The following KCNMB4 variants were observed in gnomAD, a reference collection of about 807,000 sequenced individuals.
KCNMB4 encodes calcium-activated potassium channel subunit beta-4.
KCNMB4 carries 3 observed loss-of-function variants against 20.7 expected under a neutral mutation model. That is an observed-to-expected ratio of 0.14 (90% confidence interval 0.07 to 0.37). The LOEUF (loss-of-function observed/expected upper bound fraction) is 0.37, where lower values mean the gene tolerates loss of function less well. Ranked by LOEUF, KCNMB4 falls within the 10% of genes least tolerant of loss-of-function variation. KCNMB4 has a pLI of 1.00. For missense variants in KCNMB4, 168 were observed against 265.9 expected (o/e 0.63, Z 2.56); for synonymous variants, 110 against 113.4 (o/e 0.97, Z 0.19).
chr12:70,395,779 A>C (rs537189914), intron 1 of KCNMB4, among the ~76,000 whole-genome samples: 70 of 152,352 alleles, frequency 4.6e-4, no homozygotes, highest in African/African-American at 1.6e-3. Context: ...TCAGGCAGCA[A>C]ACAATATGGG....
chr12:70,391,232 T>C (rs1228383046), intron 1 of KCNMB4, among the ~76,000 whole-genome samples: 1 of 152,220 alleles, frequency 6.6e-6, no homozygotes, highest in Non-Finnish European at 1.5e-5. Flanking sequence ...TCCTGTGATC[T>C]CAGCCACTGT....
chr12:70,383,960 T>G (rs933469198), intron 1 of KCNMB4, among the ~76,000 whole-genome samples: 2 of 152,106 alleles, frequency 1.3e-5, no homozygotes, highest in African/African-American at 4.8e-5. Context: ...CCCCAGCTAC[T>G]CAGGAGGCTG....
intron 1 of KCNMB4, among the ~76,000 whole-genome samples, chr12:70,379,767 A>G (rs1883752311): frequency 1.3e-5 from 2 of 152,132 alleles, no homozygotes; most frequent in Admixed American, 6.6e-5. Context: ...TCATGAATGA[A>G]CCTCTGTTAG....
At chr12:70,400,418 C>A in intron 2 of KCNMB4, 82 bp downstream of exon 2, 2 of 1,357,728 alleles carry the variant, frequency 1.5e-6, no homozygotes, top group Non-Finnish European at 2.0e-6. Context: ...AGATTATGCC[C>A]ACTTGACAGC....
chr12:70,402,414 G>A (rs939385373), intron 2 of KCNMB4, among the ~76,000 whole-genome samples: 3 of 151,970 alleles, frequency 2.0e-5, no homozygotes, highest in South Asian at 4.2e-4. Flanking sequence ...AGACTGAGGC[G>A]GGAGGATCAC....
chr12:70,424,526 G>A (rs1869157357), intron 2 of KCNMB4, among the ~76,000 whole-genome samples: 1 of 151,958 alleles, frequency 6.6e-6, no homozygotes, highest in South Asian at 2.1e-4. Context: ...GAGGCAAGGG[G>A]ATCAGTTGAA....
chr12:70,427,496 A>T (rs917290396), intron 2 of KCNMB4, among the ~76,000 whole-genome samples: 1 of 152,252 alleles, frequency 6.6e-6, no homozygotes, highest in African/African-American at 2.4e-5. Flanking sequence ...AAATGTGTAC[A>T]TTTATATATA....
At chr12:70,403,364 G>A (rs76734921) in intron 2 of KCNMB4, among the ~76,000 whole-genome samples, 10 of 152,020 alleles carry the variant, frequency 6.6e-5, no homozygotes, top group Admixed American at 5.2e-4. Flanking sequence ...TAGGAGTCTC[G>A]CTCTGTCACT....
chr12:70,417,546 ATCAT>A (rs1193747477), intron 2 of KCNMB4, among the ~76,000 whole-genome samples: 1 of 152,312 alleles, frequency 6.6e-6, no homozygotes, highest in East Asian at 1.9e-4. Context: ...AGTAAATATG[ATCAT>A]TCATTCTTGG....
At chr12:70,389,911 T>C (rs1389910013) in intron 1 of KCNMB4, among the ~76,000 whole-genome samples, 6 of 152,180 alleles carry the variant, frequency 3.9e-5, no homozygotes. Flanking sequence ...GAATGGGAAA[T>C]AGAATTTGTA....
chr12:70,385,353 A>C (rs1317930509), intron 1 of KCNMB4, among the ~76,000 whole-genome samples: 1 of 151,966 alleles, frequency 6.6e-6, no homozygotes, highest in Non-Finnish European at 1.5e-5. Context: ...GAGAGCATCT[A>C]CCTCCTCAAT....
At position 70,394,005 on chromosome 12, in the gene KCNMB4, T is replaced by C. The variant is rs1187793693; in HGVS notation, c.337-6204T>C. 2.0e-5 allele frequency among the ~76,000 whole-genome samples: 3 copies of C among 152,322 alleles called. No individual in the cohort carries two copies. In the East Asian group the frequency reaches 5.8e-4, roughly 29 times the overall value. On this transcript the variant is annotated intron_variant, in intron 1 of 2. Coordinates refer to ENST00000258111, the MANE Select transcript of KCNMB4 (RefSeq NM_014505.6). ...ATCTCTTCTGTGAAGCCTTCTCTTA[T>C]ACTCTGGAGGCCAAAATATTCATGT...
chr12:70,430,663 A>C lies in KCNMB4; in HGVS notation c.*10A>C. 1 of 1,598,820 alleles carries C rather than the reference A, an allele frequency of 6.3e-7. No homozygotes were observed. The highest frequency in any genetic ancestry group is 1.1e-5 in the South Asian group (1 of 88,288). ...GCGCAAGTTCTCTTAAAGGGGAAGG[A>C]GGCTTGTAGAAAGCAAAGTACAGAA... is the stretch of plus-strand genomic sequence containing the variant. On this transcript the variant is annotated 3_prime_UTR_variant, in exon 3 of 3. Transcript: ENST00000258111.
chr12:70,389,693 C>T (rs1174665306), intron 1 of KCNMB4, among the ~76,000 whole-genome samples: 1 of 151,982 alleles, frequency 6.6e-6, no homozygotes, highest in Non-Finnish European at 1.5e-5. Flanking sequence ...GACCCTGTGT[C>T]AAAAAAATAA....
At chr12:70,408,311 T>C (rs1313589625) in intron 2 of KCNMB4, among the ~76,000 whole-genome samples, 1 of 152,208 alleles carries the variant, frequency 6.6e-6, no homozygotes, top group African/African-American at 2.4e-5. Context: ...TTTTTACTAC[T>C]GCTAAATATG....
At chr12:70,402,585 G>T (rs1211508087) in intron 2 of KCNMB4, among the ~76,000 whole-genome samples, 1 of 142,868 alleles carries the variant, frequency 7.0e-6, no homozygotes, top group African/African-American at 2.6e-5. Flanking sequence ...GCCTTGGGAG[G>T]TTGAGGCTGC....
chr12:70,388,791 C>T (rs1593329266), intron 1 of KCNMB4, among the ~76,000 whole-genome samples: 1 of 152,152 alleles, frequency 6.6e-6, no homozygotes, highest in Admixed American at 6.6e-5. Flanking sequence ...ATATGGAAAG[C>T]TCCTAGGATA....
chr12:70,366,833 C>T lies in KCNMB4; in HGVS notation c.99C>T (p.Phe33=), dbSNP rs1883503147. The change falls in exon 1 of 3, where the codon TTC becomes TTT. Residue 33 remains phenylalanine, a synonymous_variant. Transcript: ENST00000258111. Reference sequence around the variant, plus strand: ...TCATCTCCGGCGTCGTGTCGCTCTTCATCTTCGGCTTCTGCTGGCTGAGTC... The same window carrying T: ...TCATCTCCGGCGTCGTGTCGCTCTTTATCTTCGGCTTCTGCTGGCTGAGTC... ...FLIISGVVSL[F]IFGFCWLSPA... The T allele has an allele frequency of 5.6e-6, 9 of 1,612,764 alleles. No homozygotes were observed. In the South Asian group the frequency reaches 7.7e-5, roughly 14 times the overall value.
At chr12:70,420,919 G>A (rs1024047730) in intron 2 of KCNMB4, among the ~76,000 whole-genome samples, 10 of 145,494 alleles carry the variant, frequency 6.9e-5, no homozygotes, top group Admixed American at 3.5e-4. Context: ...TTAGCCGGGC[G>A]TGGTGGCAGG....
Sources: allele counts gnomAD v4.1 joint callset (sites outside exome capture counted in the v4.1 genomes callset), GRCh38; gene constraint gnomAD v4.1.1; transcripts MANE v1.5; gene names NCBI Gene and HGNC (gene_info 2026-07-23, HGNC 2026-07-21).